DRGX: variants seen among roughly 807,000 people sequenced by gnomAD.
DRGX encodes dorsal root ganglia homeobox.
Under a neutral mutation model 28.6 loss-of-function variants are expected in DRGX, and 21 were observed. The ratio of observed to expected loss-of-function variants is 0.73; its 90% CI spans 0.52 to 1.06. DRGX has a LOEUF of 1.06. Ranked by LOEUF, DRGX falls within the 50% of genes least tolerant of loss-of-function variation. The pLI, the probability that DRGX is intolerant of heterozygous loss-of-function variation, is 0.00. For synonymous variants in DRGX, 136 were observed against 139.1 expected (o/e 0.98, Z 0.16); for missense variants, 354 against 343.9 (o/e 1.03, Z -0.23).
At chr10:49,382,462 T>C (rs960418856) in intron 6 of DRGX, among the ~76,000 whole-genome samples, 5 of 152,224 alleles carry the variant, frequency 3.3e-5, no homozygotes, top group Non-Finnish European at 7.3e-5. Context: ...TGTGCCCAGC[T>C]ACCTCTGGGG....
intron 6 of DRGX, among the ~76,000 whole-genome samples, chr10:49,372,232 C>G (rs1347742617): frequency 6.6e-6 from 1 of 152,192 alleles, no homozygotes; most frequent in Non-Finnish European, 1.5e-5. Context: ...TTTATTATGT[C>G]ATAAGGTGAC....
chr10:49,376,885 T>A (rs1276591001), intron 6 of DRGX, among the ~76,000 whole-genome samples: 1 of 152,188 alleles, frequency 6.6e-6, no homozygotes, highest in East Asian at 1.9e-4. Context: ...TATGCCATTG[T>A]TTGCTTCTAT....
rs765508142 is a variant in DRGX, at chr10:49,391,163, C to T, written c.132+1G>A. ...TTTGAAAGGAGAATCAACGTTGGTA[C>T]CTGCTGAAGAGTGAACGTCGTCCGG... On this transcript the variant is annotated splice_donor_variant, in intron 3 of 6. Coordinates refer to ENST00000374139, the MANE Select transcript of DRGX (RefSeq NM_001276451.2). LOFTEE classifies it high-confidence loss of function. 6.2e-7 allele frequency: 1 copy of T among 1,613,558 alleles called. No individual in the cohort carries two copies. The highest frequency in any genetic ancestry group is 8.5e-7 in the Non-Finnish European group (1 of 1,179,712).
In DRGX at chr10:49,366,079, G is replaced by T; in HGVS notation, c.*37C>A. The T allele has an allele frequency of 6.6e-7, 1 of 1,511,082 alleles. No homozygotes were observed. Among genetic ancestry groups the T allele is most frequent in the East Asian group, 2.3e-5 (1 of 42,750 alleles). The allele number at this position is 1,511,082 out of a possible 1,614,324, so 93.6% of individuals were successfully genotyped here. A position where few individuals can be genotyped will look rare whatever the true frequency, so the allele number is the denominator to read the frequency against. The stretch of plus-strand genomic sequence containing the variant: ...GGGGCTGAGGCTGGGAGAAGGAGGG[G>T]CGGGGGAGGGCAGGCCGGGCGGGGC... On this transcript the variant is annotated 3_prime_UTR_variant, in exon 7 of 7. Transcript: ENST00000374139.
intron 4 of DRGX, among the ~76,000 whole-genome samples, chr10:49,388,825 T>C (rs1849868694): frequency 6.6e-6 from 1 of 151,614 alleles, no homozygotes; most frequent in Non-Finnish European, 1.5e-5. Context: ...CACATCTCCC[T>C]TCCCACCACC....
Position 49,364,680 on chromosome 10 carries a change from A to G in DRGX, c.*1436T>C, listed in dbSNP as rs1261250531. 3 of 152,092 alleles carry G rather than the reference A, an allele frequency of 2.0e-5. No homozygotes were observed. Among genetic ancestry groups the G allele is most frequent in the African/African-American group, 7.2e-5 (3 of 41,402 alleles). The allele number at this position is 152,092 out of a possible 1,614,324, so 9.4% of individuals were successfully genotyped here. A position where few individuals can be genotyped will look rare whatever the true frequency, so the allele number is the denominator to read the frequency against. On this transcript the variant is annotated 3_prime_UTR_variant, in exon 7 of 7. Coordinates refer to ENST00000374139, the MANE Select transcript of DRGX (RefSeq NM_001276451.2). The stretch of plus-strand genomic sequence containing the variant: ...GAAGAAGGATTTGATTTTTTTCTTT[A>G]AAGGAGACAGTGGGTTTTATCAAAT...
chr10:49,371,534 G>A (rs1175620213), intron 6 of DRGX, among the ~76,000 whole-genome samples: 1 of 152,162 alleles, frequency 6.6e-6, no homozygotes, highest in Non-Finnish European at 1.5e-5. Context: ...GCAGGCACCT[G>A]TAATCCCAGC....
At chr10:49,388,929 C>T (rs897697648) in intron 4 of DRGX, among the ~76,000 whole-genome samples, 9 of 152,124 alleles carry the variant, frequency 5.9e-5, no homozygotes, top group African/African-American at 1.7e-4. Context: ...AACAACAATT[C>T]CCGGCTTTAA....
intron 2 of DRGX, among the ~76,000 whole-genome samples, chr10:49,393,262 A>G (rs896899589): frequency 3.3e-5 from 5 of 152,264 alleles, no homozygotes; most frequent in African/African-American, 9.6e-5. Flanking sequence ...TATATTACAA[A>G]GTAAAAAAAG....
At chr10:49,366,405 T>C (rs2132467040) in intron 6 of DRGX, 24 bp from the exon 7 acceptor site, 1 of 1,577,454 alleles carries the variant, frequency 6.3e-7, no homozygotes, top group East Asian at 2.3e-5. Flanking sequence ...AACAACAGGC[T>C]CCCATCACTG....
In DRGX at chr10:49,386,864, T is replaced by C. The variant is rs201678400; in HGVS notation, c.235-6A>G. 375 of 1,536,906 alleles carry C rather than the reference T, an allele frequency of 2.4e-4. No homozygotes were observed. The highest frequency in any genetic ancestry group is 3.1e-4 in the Non-Finnish European group (351 of 1,145,354). On this transcript the variant is annotated splice_polypyrimidine_tract_variant and splice_region_variant and intron_variant, in intron 4 of 6. Transcript: ENST00000374139. ...CTTCTGTTCTGGAACCAAACCTGAA[T>C]CCCAGATGGAAACATACACCCAGTG...
At chr10:49,372,690 C>A (rs1000635172) in intron 6 of DRGX, among the ~76,000 whole-genome samples, 15 of 152,246 alleles carry the variant, frequency 9.9e-5, no homozygotes, top group African/African-American at 3.4e-4. Flanking sequence ...ACGAGACCTG[C>A]AACAGTACTC....
At chr10:49,391,692 C>T (rs1451612059) in intron 2 of DRGX, 6 of 451,922 alleles carry the variant, frequency 1.3e-5, no homozygotes, top group Non-Finnish European at 2.7e-5. Flanking sequence ...TTTACTTTCC[C>T]TTGTTTCTAT....
chr10:49,367,238 C>T (rs773134729), intron 6 of DRGX, among the ~76,000 whole-genome samples: 7 of 151,998 alleles, frequency 4.6e-5, no homozygotes, highest in East Asian at 1.9e-4. Flanking sequence ...TGGTATGTGC[C>T]GATAGTCCTA....
At chr10:49,390,904 A>G (rs1320246961) in intron 3 of DRGX, among the ~76,000 whole-genome samples, 1 of 152,184 alleles carries the variant, frequency 6.6e-6, no homozygotes, top group Non-Finnish European at 1.5e-5. Flanking sequence ...GCTGACATGG[A>G]AGTGTTCCCC....
chr10:49,377,924 G>GCCC (rs1449418077), intron 6 of DRGX, among the ~76,000 whole-genome samples: 1 of 152,026 alleles, frequency 6.6e-6, no homozygotes, highest in African/African-American at 2.4e-5. Context: ...AAAACCACAG[G>GCCC]CCCATCTCCT....
At chr10:49,391,057 A>T (rs1849897634) in intron 3 of DRGX, 107 bp downstream of exon 3, 12 of 1,211,528 alleles carry the variant, frequency 9.9e-6, no homozygotes, top group Non-Finnish European at 1.4e-5. Context: ...AGATTCAGTT[A>T]GCATAATCAA....
intron 6 of DRGX, among the ~76,000 whole-genome samples, chr10:49,369,176 C>T (rs1398388650): frequency 6.6e-6 from 1 of 152,186 alleles, no homozygotes; most frequent in Non-Finnish European, 1.5e-5. Flanking sequence ...GCAGCAGACC[C>T]CAAGAAAGCT....
intron 6 of DRGX, among the ~76,000 whole-genome samples, chr10:49,374,801 G>A (rs1347895701): frequency 6.6e-6 from 1 of 152,194 alleles, no homozygotes; most frequent in Non-Finnish European, 1.5e-5. Flanking sequence ...CATCATTAAG[G>A]TATGTAGACT....
Sources: gnomAD v4.1 joint callset for allele counts (sites outside exome capture counted in the v4.1 genomes callset) on GRCh38, gnomAD v4.1.1 for gene constraint, MANE v1.5 for transcripts, NCBI Gene and HGNC (gene_info 2026-07-23, HGNC 2026-07-21) for gene names.